Variants in SIM2 observed in about 807,000 individuals in gnomAD.
SIM2 encodes the protein SIM bHLH transcription factor 2, also known as single-minded homolog 2.
In SIM2, 28 loss-of-function variants were observed where a neutral mutation model predicts 64.8. The observed-to-expected ratio is 0.43, with a 90% CI of 0.32 to 0.59. The LOEUF (loss-of-function observed/expected upper bound fraction) is 0.59, where lower values mean the gene tolerates loss of function less well. Ranked by LOEUF, SIM2 falls within the 20% of genes least tolerant of loss-of-function variation. SIM2 has a pLI of 0.07. For synonymous variants in SIM2, 408 were observed against 391.1 expected (o/e 1.04, Z -0.51); for missense variants, 847 against 871.4 (o/e 0.97, Z 0.35).
Position 36,699,585 on chromosome 21 carries a change from G to T in SIM2, c.-162G>T, listed in dbSNP as rs899702868. 1.6e-5 allele frequency: 10 copies of T among 617,292 alleles called. No homozygotes were observed. Among genetic ancestry groups the T allele is most frequent in the African/African-American group, 1.6e-4 (8 of 50,354 alleles). 38.2% of individuals were successfully genotyped at this position (617,292 alleles called of 1,614,324 possible). A position where few individuals can be genotyped will look rare whatever the true frequency, so the allele number is the denominator to read the frequency against. Reference sequence around the variant, plus strand: ...GCTCAGGCCCGGCGGCTGCGGGGAGGCGTCTCGGAACCCCGGGAGGCCCCC... The same window carrying T: ...GCTCAGGCCCGGCGGCTGCGGGGAGTCGTCTCGGAACCCCGGGAGGCCCCC... On this transcript the variant is annotated 5_prime_UTR_variant, in exon 1 of 11. Coordinates refer to ENST00000290399, the MANE Select transcript of SIM2 (RefSeq NM_005069.6). This position sits in a 1 kb window ranked among gnomAD's most constrained non-coding sequence, Gnocchi z 5.6.
intron 1 of SIM2, among the ~76,000 whole-genome samples, chr21:36,700,324 T>C (rs2088473049): frequency 6.7e-6 from 1 of 150,374 alleles, no homozygotes; most frequent in Non-Finnish European, 1.5e-5. Flanking sequence ...TTCTCTTTCT[T>C]TTTCTTTCTT....
Position 36,745,725 on chromosome 21 carries a change from C to T in SIM2, c.1576+589C>T, listed in dbSNP as rs2089220338. 7.8e-7 allele frequency: 1 copy of T among 1,277,272 alleles called. No homozygotes were observed. The highest frequency in any genetic ancestry group is 1.3e-5 in the South Asian group (1 of 79,260). 79.1% of individuals were successfully genotyped at this position (1,277,272 alleles called of 1,614,324 possible). ...TGCCTACTCCCAAGGACACGACACA[C>T]AGTAGGGACCTGCCCTGTACATGCT... On this transcript the variant is annotated intron_variant, in intron 10 of 10. Coordinates refer to ENST00000290399, the MANE Select transcript of SIM2 (RefSeq NM_005069.6). The surrounding 1 kb of genome is among the most constrained non-coding windows in gnomAD (Gnocchi z 4.8).
At chr21:36,725,844 C>T (rs923524141) in intron 5 of SIM2, among the ~76,000 whole-genome samples, 1 of 152,184 alleles carries the variant, frequency 6.6e-6, no homozygotes, top group African/African-American at 2.4e-5. Context: ...TGGTCTCGAA[C>T]TCCTGGACTC....
chr21:36,712,662 A>G, intron 3 of SIM2, 40 bp downstream of exon 3: 2 of 1,351,766 alleles, frequency 1.5e-6, no homozygotes, highest in Non-Finnish European at 2.1e-6. Flanking sequence ...AAAATATTAA[A>G]CGAAGTGACA....
intron 7 of SIM2, among the ~76,000 whole-genome samples, chr21:36,732,853 C>G (rs150105602): frequency 3.5e-4 from 53 of 152,322 alleles, no homozygotes; most frequent in Middle Eastern, 3.4e-3. Context: ...GAGACTTGAT[C>G]AGGCGGGTGT....
intron 1 of SIM2, chr21:36,701,297 C>G (rs1209820573): frequency 6.6e-6 from 1 of 152,512 alleles, no homozygotes; most frequent in African/African-American, 2.4e-5. Flanking sequence ...CCATCCCCAC[C>G]AGGCACTCTA....
In SIM2 at chr21:36,745,346, G is replaced by C; in HGVS notation, c.1576+210G>C. 1 of 1,432,956 alleles carries C rather than the reference G, an allele frequency of 7.0e-7. No individual in the cohort carries two copies. Among genetic ancestry groups the C allele is most frequent in the East Asian group, 2.6e-5 (1 of 38,680 alleles). 88.8% of individuals were successfully genotyped at this position (1,432,956 alleles called of 1,614,324 possible). A position where few individuals can be genotyped will look rare whatever the true frequency, so the allele number is the denominator to read the frequency against. Reference sequence around the variant, plus strand: ...AGAAATGGCAGTCTGCCTGCCTCGGGGACACTAGTGACAGTATAAAGGGCA... The same window carrying C: ...AGAAATGGCAGTCTGCCTGCCTCGGCGACACTAGTGACAGTATAAAGGGCA... On this transcript the variant is annotated intron_variant, in intron 10 of 10. Transcript: ENST00000290399. The surrounding 1 kb of genome is among the most constrained non-coding windows in gnomAD (Gnocchi z 4.8).
At position 36,726,805 on chromosome 21, in the gene SIM2, A is replaced by C. The variant is rs2088898379; in HGVS notation, c.743+487A>C. ...CACAGGGCTGAGGCTGGGAGCAGAG[A>C]CGCTATCTACCCTGGGGGATGCTCT... On this transcript the variant is annotated intron_variant, in intron 6 of 10. Coordinates refer to ENST00000290399, the MANE Select transcript of SIM2 (RefSeq NM_005069.6). The surrounding 1 kb of genome is among the most constrained non-coding windows in gnomAD (Gnocchi z 4.5). 6.6e-6 allele frequency among the ~76,000 whole-genome samples: 1 copy of C among 152,036 alleles called. No individual in the cohort carries two copies. Among genetic ancestry groups the C allele is most frequent in the Admixed American group, 6.6e-5 (1 of 15,262 alleles).
intron 1 of SIM2, among the ~76,000 whole-genome samples, chr21:36,703,798 T>C (rs1217952058): frequency 2.6e-5 from 4 of 152,344 alleles, no homozygotes; most frequent in Middle Eastern, 3.4e-3. Flanking sequence ...CTTTGGAAAC[T>C]GCAAAAGCGT....
chr21:36,728,576 C>T (rs2088925117), intron 6 of SIM2, among the ~76,000 whole-genome samples: 1 of 152,206 alleles, frequency 6.6e-6, no homozygotes, highest in Non-Finnish European at 1.5e-5. Context: ...TTGTTCCTGC[C>T]ATATCAGGAA....
rs143906258 is a variant in SIM2, at chr21:36,746,627, A to G, written c.1577-1038A>G. Among the ~76,000 whole-genome samples, 573 of 152,320 alleles carry G rather than the reference A, an allele frequency of 3.8e-3. 3 individuals are homozygous for G. Among genetic ancestry groups the G allele is most frequent in the African/African-American group, 0.013 (544 of 41,568 alleles). ...TAACTTAGAAAAGACCACATTGGTG[A>G]CCAGGGCCAGGACCCCTGCCTTTTG... On this transcript the variant is annotated intron_variant, in intron 10 of 10. Transcript: ENST00000290399.
At chr21:36,700,681 G>C (rs748319587) in intron 1 of SIM2, among the ~76,000 whole-genome samples, 2 of 152,210 alleles carry the variant, frequency 1.3e-5, no homozygotes, top group Non-Finnish European at 2.9e-5. Context: ...GCCACAGAGC[G>C]AACACTTGTG....
intron 7 of SIM2, among the ~76,000 whole-genome samples, chr21:36,731,810 G>C (rs148901311): frequency 6.6e-6 from 1 of 152,166 alleles, no homozygotes; most frequent in Admixed American, 6.5e-5. Context: ...GGAACATCAG[G>C]ATATAGAGGC....
chr21:36,708,952 G>C (rs1379645007), intron 1 of SIM2, among the ~76,000 whole-genome samples: 1 of 152,166 alleles, frequency 6.6e-6, no homozygotes, highest in Non-Finnish European at 1.5e-5. Flanking sequence ...GCCGGCCGCT[G>C]CGGGGATTTC....
intron 7 of SIM2, among the ~76,000 whole-genome samples, chr21:36,739,432 A>G (rs2089125300): frequency 6.6e-6 from 1 of 152,230 alleles, no homozygotes; most frequent in Non-Finnish European, 1.5e-5. Flanking sequence ...ATTGTATCAC[A>G]CATTTCCCAT....
chr21:36,712,596 G>A lies in SIM2; in HGVS notation c.322G>A (p.Ala108Thr), dbSNP rs780226998. Residue 108 changes from alanine (A) to threonine (T), a missense_variant, in exon 3 of 11, where the codon GCT becomes ACT. Coordinates refer to ENST00000290399, the MANE Select transcript of SIM2 (RefSeq NM_005069.6). ...DGKIMYISET[A>T]SVHLGLSQVE... ...CAAAATCATGTATATATCCGAGACC[G>A]CTTCTGTCCATTTAGGCTTATCCCA... 5.0e-6 allele frequency: 8 copies of A among 1,612,960 alleles called. No individual in the cohort carries two copies. The highest frequency in any genetic ancestry group is 6.8e-6 in the Non-Finnish European group (8 of 1,179,322).
intron 1 of SIM2, among the ~76,000 whole-genome samples, 187 bp downstream of exon 1, chr21:36,700,108 C>T (rs1214817672): frequency 6.6e-6 from 1 of 152,194 alleles, no homozygotes; most frequent in Non-Finnish European, 1.5e-5. Flanking sequence ...AGGGCCTTGG[C>T]GGCCCAGGCG....
chr21:36,732,798 G>A (rs2088988916), intron 7 of SIM2, among the ~76,000 whole-genome samples: 1 of 152,212 alleles, frequency 6.6e-6, no homozygotes, highest in South Asian at 2.1e-4. Context: ...AAGTTTTCTT[G>A]AGCAAACTGG....
At chr21:36,734,526 C>T (rs1017388526) in intron 7 of SIM2, among the ~76,000 whole-genome samples, 1 of 151,932 alleles carries the variant, frequency 6.6e-6, no homozygotes, top group Non-Finnish European at 1.5e-5. Flanking sequence ...GCACCCCAGC[C>T]AGGCCGGTGG....
Sources: allele counts gnomAD v4.1 joint callset (sites outside exome capture counted in the v4.1 genomes callset), GRCh38; gene constraint gnomAD v4.1.1; non-coding constraint Gnocchi (gnomAD v3.1); transcripts MANE v1.5; gene names NCBI Gene and HGNC (gene_info 2026-07-23, HGNC 2026-07-21).